The following STK10 variants were observed in gnomAD, a reference collection of about 807,000 sequenced individuals.
The protein encoded by STK10 is serine/threonine kinase 10, also known as serine/threonine-protein kinase 10.
STK10 carries 78 observed loss-of-function variants against 113.8 expected under a neutral mutation model. That is an observed-to-expected ratio of 0.69 (90% CI 0.57 to 0.83). The LOEUF is 0.83. Ranked by LOEUF, STK10 falls within the 40% of genes least tolerant of loss-of-function variation. The pLI is 0.00. For synonymous variants in STK10, 465 were observed against 494.7 expected, an observed-to-expected ratio of 0.94 and a Z score of 0.80; for missense variants, 1,109 against 1,280.1, an observed-to-expected ratio of 0.87 and a Z score of 2.04.
chr5:172,125,531 C>A (rs1769601844), intron 3 of STK10, among the ~76,000 whole-genome samples: 1 of 152,114 alleles, frequency 6.6e-6, no homozygotes, highest in African/African-American at 2.4e-5. Context: ...ATTACAGGCG[C>A]CTGCCATCAC....
intron 2 of STK10, among the ~76,000 whole-genome samples, chr5:172,138,423 A>G (rs1769913493): frequency 6.6e-6 from 1 of 152,276 alleles, no homozygotes; most frequent in East Asian, 1.9e-4. Context: ...CGCCCAGCCA[A>G]TAAAATTATT....
intron 9 of STK10, 21 bp from the exon 10 acceptor site, chr5:172,090,383 G>C (rs187595923): frequency 1.9e-6 from 3 of 1,611,636 alleles, no homozygotes; most frequent in African/African-American, 2.7e-5. Flanking sequence ...AAAACCATTA[G>C]ACAAGTCTCA....
At chr5:172,138,830 G>A (rs1457433499) in intron 2 of STK10, among the ~76,000 whole-genome samples, 1 of 152,054 alleles carries the variant, frequency 6.6e-6, no homozygotes, top group Non-Finnish European at 1.5e-5. Flanking sequence ...GGCTAACACA[G>A]TGAAACCCCG....
intron 7 of STK10, 21 bp from the exon 8 acceptor site, chr5:172,096,581 C>T (rs142736938): frequency 1.2e-6 from 2 of 1,611,238 alleles, no homozygotes; most frequent in African/African-American, 2.7e-5. Flanking sequence ...AAGATGCACC[C>T]AGATTAGAAC....
chr5:172,090,001 G>C (rs573234291), intron 10 of STK10, among the ~76,000 whole-genome samples: 1 of 152,080 alleles, frequency 6.6e-6, no homozygotes, highest in Non-Finnish European at 1.5e-5. Flanking sequence ...AGGTAGATAG[G>C]TGAGTAGGTG....
rs15963 is a variant in STK10, at chr5:172,044,041, T to C, written c.*841A>G. 39,008 of 152,382 alleles carry C rather than the reference T, an allele frequency of 0.26. 7,505 individuals carry two copies. The highest frequency in any genetic ancestry group is 0.54 in the African/African-American group (22,583 of 41,464). 9.4% of individuals were successfully genotyped at this position (152,382 alleles called of 1,614,324 possible). A position where few individuals can be genotyped will look rare whatever the true frequency, so the allele number is the denominator to read the frequency against. ...CAGCCTGGCAGTACAGCCTGTGCTT[T>C]TCCATGCCTCCGGTGCCAACACCCC... On this transcript the variant is annotated 3_prime_UTR_variant, in exon 19 of 19. Coordinates refer to ENST00000176763, the MANE Select transcript of STK10 (RefSeq NM_005990.4). The surrounding 1 kb of genome is among the most constrained non-coding windows in gnomAD (Gnocchi z 4.5).
At chr5:172,128,221 CAAAAAAAAAAAAAA>C (rs35298910) in intron 2 of STK10, among the ~76,000 whole-genome samples, 1 of 77,252 alleles carries the variant, frequency 1.3e-5, no homozygotes. Context: ...GACTCCGTCT[CAAAAAAAAAAAAAA>C]AAAAAAAAAA....
chr5:172,145,676 C>T (rs111333518), intron 2 of STK10, among the ~76,000 whole-genome samples: 193 of 152,338 alleles, frequency 1.3e-3, no homozygotes, highest in African/African-American at 3.9e-3. Context: ...CAATTATGGC[C>T]GGACACTAAC....
Position 172,055,784 on chromosome 5 carries a change from G to C in STK10, c.2338-8C>G. On this transcript the variant is annotated splice_region_variant and splice_polypyrimidine_tract_variant and intron_variant, in intron 15 of 18. Coordinates refer to ENST00000176763, the MANE Select transcript of STK10 (RefSeq NM_005990.4). The stretch of plus-strand genomic sequence containing the variant: ...CTGCATCTGCTCCCGCTCCTGGAGA[G>C]GAATATCCAGAGGGGCTGAGGGCAG... The C allele has an allele frequency of 6.8e-7, 1 of 1,472,716 alleles. No individual in the cohort carries two copies. Among genetic ancestry groups the C allele is most frequent in the South Asian group, 1.4e-5 (1 of 70,726 alleles). The allele number at this position is 1,472,716 out of a possible 1,614,324, so 91.2% of individuals were successfully genotyped here.
At position 172,082,525 on chromosome 5, in the gene STK10, T is replaced by G. The variant is rs769673134; in HGVS notation, c.1810-20A>C. ...CTTGGCCTGAAAGGAGCAGAAATTC[T>G]GAGAAACTTAGCGAAGTCACTTTAT... On this transcript the variant is annotated intron_variant, in intron 11 of 18. Coordinates refer to ENST00000176763, the MANE Select transcript of STK10 (RefSeq NM_005990.4). This position sits in a 1 kb window ranked among gnomAD's most constrained non-coding sequence, Gnocchi z 4.3. The G allele has an allele frequency of 6.4e-7, 1 of 1,557,748 alleles. No homozygotes were observed. The highest frequency in any genetic ancestry group is 2.3e-5 in the East Asian group (1 of 43,300).
chr5:172,074,459 A>G (rs1486226517), intron 12 of STK10, among the ~76,000 whole-genome samples: 1 of 152,224 alleles, frequency 6.6e-6, no homozygotes, highest in African/African-American at 2.4e-5. Flanking sequence ...AGCCTTTTCA[A>G]CAAATGGTGC....
intron 1 of STK10, among the ~76,000 whole-genome samples, chr5:172,167,053 G>A (rs554092046): frequency 3.3e-5 from 5 of 152,034 alleles, no homozygotes; most frequent in East Asian, 3.9e-4. Context: ...CCAGCTACTC[G>A]GGAGGCTGGG....
intron 3 of STK10, among the ~76,000 whole-genome samples, chr5:172,124,671 A>G: frequency 6.6e-6 from 1 of 152,108 alleles, no homozygotes; most frequent in East Asian, 1.9e-4. Context: ...CCTAAAAGAG[A>G]CCATCTCAAA....
intron 6 of STK10, among the ~76,000 whole-genome samples, chr5:172,106,148 C>G (rs1002799789): frequency 6.6e-6 from 1 of 152,036 alleles, no homozygotes; most frequent in African/African-American, 2.4e-5. Flanking sequence ...CGGTAGCTCA[C>G]GCCTGTAATT....
chr5:172,167,394 A>G (rs1168573090), intron 1 of STK10, among the ~76,000 whole-genome samples: 3 of 152,208 alleles, frequency 2.0e-5, no homozygotes, highest in African/African-American at 4.8e-5. Context: ...AATTGTAACT[A>G]GGCTACAATT....
At chr5:172,104,059 C>A (rs935206741) in intron 7 of STK10, among the ~76,000 whole-genome samples, 2 of 152,242 alleles carry the variant, frequency 1.3e-5, no homozygotes, top group African/African-American at 4.8e-5. Context: ...AGAATGCCGA[C>A]CACAGGCCCA....
At chr5:172,087,623 A>ATTTT (rs1203616701) in intron 10 of STK10, among the ~76,000 whole-genome samples, 1 of 85,188 alleles carries the variant, frequency 1.2e-5, no homozygotes, top group African/African-American at 5.8e-5. Flanking sequence ...TTACTTATTT[A>ATTTT]TTTTTTTTTT....
chr5:172,185,254 AG>A, intron 1 of STK10, among the ~76,000 whole-genome samples: 1 of 151,916 alleles, frequency 6.6e-6, no homozygotes, highest in East Asian at 1.9e-4. Flanking sequence ...GAAAAAAAAA[AG>A]CCCATATGTT....
At chr5:172,073,577 C>T (rs979468077) in intron 12 of STK10, among the ~76,000 whole-genome samples, 7 of 151,946 alleles carry the variant, frequency 4.6e-5, no homozygotes, top group African/African-American at 1.7e-4. Context: ...GGATTATAGG[C>T]GTAAGCCACT....
Sources: gnomAD v4.1 joint callset for allele counts (sites outside exome capture counted in the v4.1 genomes callset) on GRCh38, gnomAD v4.1.1 for gene constraint, Gnocchi (gnomAD v3.1) non-coding constraint, MANE v1.5 for transcripts, NCBI Gene and HGNC (gene_info 2026-07-23, HGNC 2026-07-21) for gene names.